The following RANBP17 variants were observed in gnomAD, a reference collection of about 807,000 sequenced individuals.
RANBP17 encodes the protein RAN binding protein 17.
Under a neutral mutation model 141.2 loss-of-function variants are expected in RANBP17, and 158 were observed. That is an observed-to-expected ratio of 1.12 (90% CI 0.98 to 1.28). The LOEUF (loss-of-function observed/expected upper bound fraction) is 1.28, where lower values mean the gene tolerates loss of function less well. Among genes scored for constraint, RANBP17 ranks in the 50% most tolerant of loss-of-function variants. RANBP17 has a pLI of 0.00. For synonymous variants in RANBP17, 430 were observed against 450.0 expected (o/e 0.96, Z 0.56); for missense variants, 1,438 against 1,290.7 (o/e 1.11, Z -1.75).
At chr5:170,996,823 T>A (rs543267010) in intron 14 of RANBP17, among the ~76,000 whole-genome samples, 2 of 152,298 alleles carry the variant, frequency 1.3e-5, no homozygotes, top group Admixed American at 6.5e-5. Flanking sequence ...TTCTATAAAA[T>A]TGAAGTGGAT....
Position 171,038,406 on chromosome 5 carries a change from T to G in RANBP17, c.1710+70029T>G, listed in dbSNP as rs1782027279. Among the ~76,000 whole-genome samples, 3 of 152,124 alleles carry G rather than the reference T, an allele frequency of 2.0e-5. No homozygotes were observed. The South Asian group carries it at 6.2e-4, about 32-fold the overall frequency. On this transcript the variant is annotated intron_variant, in intron 14 of 27. Transcript: ENST00000523189. The stretch of plus-strand genomic sequence containing the variant: ...TCATATTGTTGGCCAAGAGAGATAG[T>G]TTGACTTCTTTTCCTATTTGCATGC...
chr5:171,132,039 A>G (rs538365468), intron 14 of RANBP17, among the ~76,000 whole-genome samples: 3 of 152,308 alleles, frequency 2.0e-5, no homozygotes, highest in South Asian at 4.1e-4. Flanking sequence ...CTAATGTTCA[A>G]TAGATGAAAT....
At chr5:171,003,489 G>A (rs1225113394) in intron 14 of RANBP17, among the ~76,000 whole-genome samples, 1 of 152,154 alleles carries the variant, frequency 6.6e-6, no homozygotes, top group Admixed American at 6.5e-5. Context: ...AGACACTATC[G>A]GCAGGGAGAG....
At chr5:171,100,855 T>G (rs183651822) in intron 14 of RANBP17, among the ~76,000 whole-genome samples, 334 of 152,286 alleles carry the variant, frequency 2.2e-3, no homozygotes, top group Non-Finnish European at 2.7e-3. Context: ...ATTTCGTTAT[T>G]TACCCAGTAG....
intron 1 of RANBP17, among the ~76,000 whole-genome samples, chr5:170,875,748 C>T (rs1469275941): frequency 6.6e-6 from 1 of 152,096 alleles, no homozygotes; most frequent in Admixed American, 6.6e-5. Context: ...CTACTTCTGT[C>T]AGTTTGTCCA....
intron 13 of RANBP17, among the ~76,000 whole-genome samples, chr5:170,963,441 G>C (rs1776290530): frequency 6.6e-6 from 1 of 152,174 alleles, no homozygotes; most frequent in Non-Finnish European, 1.5e-5. Flanking sequence ...CAAATTTTCT[G>C]CATGAGAAAA....
At chr5:171,181,649 G>C (rs145344554) in intron 16 of RANBP17, among the ~76,000 whole-genome samples, 8 of 152,290 alleles carry the variant, frequency 5.3e-5, no homozygotes, top group African/African-American at 1.9e-4. Flanking sequence ...AACTGGAATG[G>C]TTGCTTTGGA....
At chr5:170,971,123 G>A (rs923478215) in intron 14 of RANBP17, among the ~76,000 whole-genome samples, 3 of 152,132 alleles carry the variant, frequency 2.0e-5, no homozygotes, top group Non-Finnish European at 2.9e-5. Flanking sequence ...TAAATAAGGT[G>A]TAATATTAAG....
intron 14 of RANBP17, among the ~76,000 whole-genome samples, chr5:170,998,765 C>T (rs1278600245): frequency 6.6e-6 from 1 of 152,032 alleles, no homozygotes; most frequent in Non-Finnish European, 1.5e-5. Context: ...TAGAGGGATA[C>T]AGTTCTTAGG....
intron 14 of RANBP17, among the ~76,000 whole-genome samples, chr5:171,051,401 C>G (rs958996878): frequency 6.6e-6 from 1 of 151,994 alleles, no homozygotes. Context: ...TCTTTATTTC[C>G]CCTGCCCCTT....
chr5:170,965,244 TG>T (rs1776461776), intron 13 of RANBP17, among the ~76,000 whole-genome samples: 1 of 85,990 alleles, frequency 1.2e-5, no homozygotes, highest in Non-Finnish European at 2.8e-5. Flanking sequence ...TTGATGGGGT[TG>T]TTTTTTTTTT....
chr5:171,050,222 TACTATAA>T (rs1782865246), intron 14 of RANBP17, among the ~76,000 whole-genome samples: 1 of 152,172 alleles, frequency 6.6e-6, no homozygotes, highest in African/African-American at 2.4e-5. Flanking sequence ...TTGAGTTTAT[TACTATAA>T]ACTATAAACT....
In RANBP17 at chr5:171,240,929, T is replaced by C; in HGVS notation, c.2424T>C (p.Gly808=). 2 of 1,606,598 alleles carry C rather than the reference T, an allele frequency of 1.2e-6. No individual in the cohort carries two copies. The highest frequency in any genetic ancestry group is 1.1e-5 in the South Asian group (1 of 90,744). The change falls in exon 23 of 28, where the codon GGT becomes GGC. Residue 808 remains glycine, a splice_region_variant and synonymous_variant. Transcript: ENST00000523189. ...REASKMVCTY[G]NQILSLGSLS... ...CTTTCTGCTTTTATCCTGAAACAGG[T>C]AATCAGATCCTGTCCCTTGGGAGCC...
intron 22 of RANBP17, among the ~76,000 whole-genome samples, chr5:171,223,774 CAT>C (rs545239803): frequency 6.7e-4 from 102 of 152,246 alleles, no homozygotes; most frequent in African/African-American, 2.3e-3. Context: ...TATGTTTTAT[CAT>C]ATAAGATGTG....
chr5:171,218,845 T>C (rs1483775765), intron 21 of RANBP17, among the ~76,000 whole-genome samples: 4 of 152,116 alleles, frequency 2.6e-5, no homozygotes, highest in African/African-American at 9.7e-5. Flanking sequence ...GGGTCTTGAC[T>C]CTTTATCCAA....
At chr5:170,969,183 A>AT (rs1226335017) in intron 14 of RANBP17, among the ~76,000 whole-genome samples, 1 of 151,756 alleles carries the variant, frequency 6.6e-6, no homozygotes, top group African/African-American at 2.4e-5. Context: ...GTGTGAAAAA[A>AT]TTTTTTGTTT....
At chr5:171,146,559 G>A (rs187702003) in intron 14 of RANBP17, among the ~76,000 whole-genome samples, 35 of 152,094 alleles carry the variant, frequency 2.3e-4, no homozygotes, top group African/African-American at 7.2e-4. Flanking sequence ...AAAAAAAAAC[G>A]GTATGTAATG....
chr5:171,061,340 C>T (rs1366731823), intron 14 of RANBP17, among the ~76,000 whole-genome samples: 1 of 151,966 alleles, frequency 6.6e-6, no homozygotes, highest in Non-Finnish European at 1.5e-5. Flanking sequence ...TGAATGTGTC[C>T]CAGAGATTCT....
chr5:171,192,068 C>T (rs566817110), intron 18 of RANBP17, among the ~76,000 whole-genome samples: 6 of 152,204 alleles, frequency 3.9e-5, no homozygotes, highest in African/African-American at 1.4e-4. Context: ...TTGGCCAAAG[C>T]GTATTTCTTC....
Sources: gnomAD v4.1 joint callset for allele counts (sites outside exome capture counted in the v4.1 genomes callset) on GRCh38, gnomAD v4.1.1 for gene constraint, MANE v1.5 for transcripts, NCBI Gene and HGNC (gene_info 2026-07-23, HGNC 2026-07-21) for gene names.